Variants in MRPS35 observed in about 807,000 individuals in gnomAD.
MRPS35 encodes the protein mitochondrial ribosomal protein S35, also known as small ribosomal subunit protein mS35.
In MRPS35, 29 loss-of-function variants were observed where a neutral mutation model predicts 32.7. The observed-to-expected ratio is 0.89, with a 90% confidence interval of 0.66 to 1.21. MRPS35 has a LOEUF of 1.21. Among genes scored for constraint, MRPS35 ranks in the 50% most tolerant of loss-of-function variants. The probability of loss-of-function intolerance (pLI) is 0.00; values close to 1 mark genes in which losing one functional copy is unlikely to be tolerated. For missense variants in MRPS35, 373 were observed against 383.8 expected (o/e 0.97, Z 0.23); for synonymous variants, 148 against 139.3 (o/e 1.06, Z -0.44).
chr12:27,722,168 G>A (rs1040736966), intron 4 of MRPS35, among the ~76,000 whole-genome samples: 2 of 152,132 alleles, frequency 1.3e-5, no homozygotes, highest in African/African-American at 4.8e-5. Context: ...GCTGGCCTCC[G>A]GATTCAGATT....
intron 5 of MRPS35, among the ~76,000 whole-genome samples, chr12:27,728,274 T>G (rs1426531288): frequency 6.6e-6 from 1 of 152,166 alleles, no homozygotes; most frequent in Non-Finnish European, 1.5e-5. Context: ...CAAATTCTCT[T>G]TTTTAAATTT....
intron 5 of MRPS35, among the ~76,000 whole-genome samples, chr12:27,734,292 G>A (rs1291311318): frequency 6.7e-6 from 1 of 150,096 alleles, no homozygotes; most frequent in Admixed American, 6.7e-5. Flanking sequence ...GCCCAGGCTG[G>A]AGTGCAATGG....
chr12:27,743,237 G>A (rs1361037302), intron 7 of MRPS35, among the ~76,000 whole-genome samples: 2 of 151,894 alleles, frequency 1.3e-5, no homozygotes, highest in Non-Finnish European at 2.9e-5. Flanking sequence ...ATTAAAAATG[G>A]CAAATGTTGG....
chr12:27,714,075 CAAAAAAA>C (rs34481044), intron 1 of MRPS35, among the ~76,000 whole-genome samples: 1 of 78,598 alleles, frequency 1.3e-5, no homozygotes, highest in Admixed American at 1.5e-4. Flanking sequence ...GACCTTGTCT[CAAAAAAA>C]AAAAAAAAAA....
intron 7 of MRPS35, among the ~76,000 whole-genome samples, chr12:27,743,007 A>C (rs1358635164): frequency 6.6e-6 from 1 of 151,762 alleles, no homozygotes; most frequent in Non-Finnish European, 1.5e-5. Context: ...ACCACAGGCA[A>C]GTGTCACCAT....
At position 27,716,405 on chromosome 12, in the gene MRPS35, C is replaced by G; in HGVS notation, c.268C>G (p.Pro90Ala). The G allele has an allele frequency of 6.2e-7, 1 of 1,614,100 alleles. No homozygotes were observed. Among genetic ancestry groups the G allele is most frequent in the Non-Finnish European group, 8.5e-7 (1 of 1,180,032 alleles). Residue 90 changes from proline (P) to alanine (A), a missense_variant, in exon 3 of 8, where the codon CCA becomes GCA. By Grantham distance (27) the Pro-to-Ala change is conservative. Coordinates refer to ENST00000081029, the MANE Select transcript of MRPS35 (RefSeq NM_021821.4). ...AVPLPVRMGYPVKKGVPMAKE... is the reference protein window; with the variant it reads ...AVPLPVRMGYAVKKGVPMAKE... The stretch of plus-strand genomic sequence containing the variant: ...ACCTCTTCCTGTTCGAATGGGTTAT[C>G]CAGTAAAAAAGGGCGTGCCCATGGC...
At chr12:27,747,135 T>G (rs2061984177) in intron 7 of MRPS35, among the ~76,000 whole-genome samples, 1 of 152,248 alleles carries the variant, frequency 6.6e-6, no homozygotes, top group Non-Finnish European at 1.5e-5. Context: ...TAGCCTGTAC[T>G]TTAGCCATAA....
In MRPS35 at chr12:27,737,621, GA is replaced by G. The variant is rs757596516; in HGVS notation, c.702+15del. The stretch of plus-strand genomic sequence containing the variant: ...CCATGAGTCTTGGGTAAGTGTGTGT[GA>G]ATATTTAATGATTTTGTCATTGTAA... On this transcript the variant is annotated intron_variant, in intron 7 of 7. Transcript: ENST00000081029. The G allele has an allele frequency of 9.5e-6, 15 of 1,580,234 alleles. No homozygotes were observed. The Admixed American group carries it at 2.6e-4, about 27-fold the overall frequency.
At chr12:27,723,979 T>A (rs929271485) in intron 4 of MRPS35, 68 bp from the exon 5 acceptor site, 4 of 1,498,080 alleles carry the variant, frequency 2.7e-6, no homozygotes, top group Non-Finnish European at 3.6e-6. Flanking sequence ...TGGTATTGTC[T>A]AGTAGTATGC....
At chr12:27,714,573 G>A (rs1049632476) in intron 1 of MRPS35, among the ~76,000 whole-genome samples, 1 of 147,464 alleles carries the variant, frequency 6.8e-6, no homozygotes, top group Admixed American at 6.9e-5. Flanking sequence ...GTGATACGCC[G>A]AGACTCCCTC....
rs2062023251 is a variant in MRPS35, at chr12:27,755,573, C to T, written c.*123C>T. On this transcript the variant is annotated 3_prime_UTR_variant, in exon 8 of 8. Coordinates refer to ENST00000081029, the MANE Select transcript of MRPS35 (RefSeq NM_021821.4). ...TTTTTCCTCAGAGTTAAAATTATTT[C>T]CCTCATACTAATGCTTAATGGCAAT... is the stretch of plus-strand genomic sequence containing the variant. 4 of 923,014 alleles carry T rather than the reference C, an allele frequency of 4.3e-6. No homozygotes were observed. In the South Asian group the frequency reaches 9.1e-5, roughly 21 times the overall value. The allele number at this position is 923,014 out of a possible 1,614,324, so 57.2% of individuals were successfully genotyped here. A position where few individuals can be genotyped will look rare whatever the true frequency, so the allele number is the denominator to read the frequency against.
intron 6 of MRPS35, 39 bp from the exon 7 acceptor site, chr12:27,737,500 T>A: frequency 6.4e-7 from 1 of 1,558,790 alleles, no homozygotes; most frequent in African/African-American, 1.4e-5. Context: ...GTGTACTGAG[T>A]TTTTAGAATT....
At chr12:27,717,391 A>T (rs990391481) in intron 3 of MRPS35, among the ~76,000 whole-genome samples, 17 of 152,254 alleles carry the variant, frequency 1.1e-4, no homozygotes, top group African/African-American at 3.9e-4. Flanking sequence ...GTTAAGGCAA[A>T]TGCTTTGTTT....
chr12:27,749,289 G>A (rs551337307), intron 7 of MRPS35, among the ~76,000 whole-genome samples: 151 of 151,240 alleles, frequency 1.0e-3, no homozygotes, highest in African/African-American at 2.9e-3. Flanking sequence ...CTGAACTTTC[G>A]CTAAAAGACC....
intron 5 of MRPS35, among the ~76,000 whole-genome samples, chr12:27,733,592 A>G (rs1489435621): frequency 6.6e-6 from 1 of 152,222 alleles, no homozygotes; most frequent in African/African-American, 2.4e-5. Context: ...CCTCTTATAC[A>G]TGCATATGTG....
In MRPS35 at chr12:27,724,194, T is replaced by A; in HGVS notation, c.522+8T>A. ...CGAGTAGTAGTCTTAAGAGTAAGAG[T>A]TTTTTTCATTTTTTTTTTTTAAATA... On this transcript the variant is annotated splice_region_variant and intron_variant, in intron 5 of 7. Coordinates refer to ENST00000081029, the MANE Select transcript of MRPS35 (RefSeq NM_021821.4). The A allele has an allele frequency of 2.6e-6, 4 of 1,542,054 alleles. No individual in the cohort carries two copies. Among genetic ancestry groups the A allele is most frequent in the Non-Finnish European group, 3.5e-6 (4 of 1,150,282 alleles).
chr12:27,747,092 C>G (rs1309982508), intron 7 of MRPS35, among the ~76,000 whole-genome samples: 1 of 152,202 alleles, frequency 6.6e-6, no homozygotes, highest in Non-Finnish European at 1.5e-5. Context: ...AATTTGCCAC[C>G]TCATTACCAG....
chr12:27,719,672 C>CAA (rs34620750), intron 3 of MRPS35, 136 bp from the exon 4 acceptor site: 9,671 of 405,988 alleles, frequency 0.024, 24 homozygotes, highest in African/African-American at 0.065. Flanking sequence ...GACTCTGTCT[C>CAA]AAAAAAAAAA....
chr12:27,735,505 T>C lies in MRPS35; in HGVS notation c.581T>C (p.Val194Ala), dbSNP rs747211583. 5 of 1,612,558 alleles carry C rather than the reference T, an allele frequency of 3.1e-6. No individual in the cohort carries two copies. The highest frequency in any genetic ancestry group is 2.2e-5 in the South Asian group (2 of 90,544). The change falls in exon 6 of 8, where the codon GTA (valine) becomes GCA (alanine). Residue 194 changes from valine (V) to alanine (A), a missense_variant. Physicochemically the swap from Val to Ala is moderately conservative, Grantham distance 64. Transcript: ENST00000081029. ...GCAAAGAAGAAATTAATTAAACTTG[T>C]AGGAGAGCGATACTGCAAGACCACA... ...DHAKKKLIKL[V>A]GERYCKTTDV...
Sources: allele counts gnomAD v4.1 joint callset (sites outside exome capture counted in the v4.1 genomes callset), GRCh38; gene constraint gnomAD v4.1.1; transcripts MANE v1.5; gene names NCBI Gene and HGNC (gene_info 2026-07-23, HGNC 2026-07-21).